The following SORCS1 variants were observed in gnomAD, a reference collection of about 807,000 sequenced individuals.
SORCS1 encodes the protein VPS10 domain-containing receptor SorCS1.
SORCS1 carries 60 observed loss-of-function variants against 146.1 expected under a neutral mutation model. The ratio of observed to expected loss-of-function variants is 0.41; its 90% CI spans 0.33 to 0.51. SORCS1 has a LOEUF of 0.51. SORCS1 is among the 20% of genes least tolerant of loss of function. SORCS1 has a pLI of 0.21. For missense variants in SORCS1, 1,352 were observed against 1,487.6 expected, an observed-to-expected ratio of 0.91 and a Z score of 1.50; for synonymous variants, 637 against 584.0, an observed-to-expected ratio of 1.09 and a Z score of -1.31.
At chr10:106,918,314 C>A (rs1052793781) in intron 2 of SORCS1, among the ~76,000 whole-genome samples, 1 of 152,142 alleles carries the variant, frequency 6.6e-6, no homozygotes, top group Non-Finnish European at 1.5e-5. Context: ...GTGCCTGCCA[C>A]CACGCCTGGC....
At chr10:107,168,170 T>G (rs1489448798), upstream of SORCS1, among the ~76,000 whole-genome samples, 1 of 152,136 alleles carries the variant, frequency 6.6e-6, no homozygotes, top group Non-Finnish European at 1.5e-5. Context: ...TTTTTCCAAT[T>G]CGTGACCTTT....
upstream of SORCS1, among the ~76,000 whole-genome samples, chr10:107,169,371 A>T (rs1463189279): frequency 2.0e-5 from 3 of 152,146 alleles, no homozygotes; most frequent in African/African-American, 4.8e-5. Context: ...TGGGATTTTT[A>T]AAATCTGTCC....
At chr10:107,017,037 G>A (rs150608732) in intron 1 of SORCS1, among the ~76,000 whole-genome samples, 2 of 152,332 alleles carry the variant, frequency 1.3e-5, no homozygotes, top group East Asian at 1.9e-4. Flanking sequence ...TGGAGCCACT[G>A]GAACTCTCCT....
At chr10:106,834,763 T>C (rs935608762) in intron 2 of SORCS1, among the ~76,000 whole-genome samples, 3 of 152,240 alleles carry the variant, frequency 2.0e-5, no homozygotes, top group African/African-American at 7.2e-5. Context: ...CCTTGAATTC[T>C]TCACTTGTAC....
At chr10:107,008,736 G>A (rs1462584792) in intron 1 of SORCS1, among the ~76,000 whole-genome samples, 4 of 152,206 alleles carry the variant, frequency 2.6e-5, no homozygotes, top group Non-Finnish European at 5.9e-5. Context: ...GGTGGCTCAT[G>A]CCTGTAATCC....
At chr10:107,014,276 A>T (rs1379854952) in intron 1 of SORCS1, among the ~76,000 whole-genome samples, 2 of 138,214 alleles carry the variant, frequency 1.4e-5, no homozygotes, top group Non-Finnish European at 3.0e-5. Context: ...AAAAAAAGAA[A>T]AGAAAAAAAG....
At position 107,063,955 on chromosome 10, in the gene SORCS1, G is replaced by GAC. The variant is rs545652383; in HGVS notation, c.558+100012_558+100013dup. On this transcript the variant is annotated intron_variant, in intron 1 of 25. Transcript: ENST00000263054. ...AATGGGAAGAACAGTAAAGATATCA[G>GAC]ACTTAAAATATTCAGTAGAATTCAA... Among the ~76,000 whole-genome samples the GAC allele has an allele frequency of 2.7e-3, 406 of 152,244 alleles. 2 individuals are homozygous for GAC. Among genetic ancestry groups the GAC allele is most frequent in the African/African-American group, 9.3e-3 (385 of 41,554 alleles).
At chr10:106,973,540 T>A (rs1955875713) in intron 1 of SORCS1, among the ~76,000 whole-genome samples, 1 of 151,976 alleles carries the variant, frequency 6.6e-6, no homozygotes, top group African/African-American at 2.4e-5. Context: ...TGCAAGGGGG[T>A]CTTGTAGGTG....
intron 4 of SORCS1, among the ~76,000 whole-genome samples, chr10:106,769,484 C>CAAA (rs61628916): frequency 0.029 from 2,414 of 84,236 alleles, 51 homozygotes; most frequent in East Asian, 0.17. Flanking sequence ...GACTCCGTCT[C>CAAA]AAAAAAAAAA....
chr10:106,871,247 T>C (rs1950397182), intron 2 of SORCS1, among the ~76,000 whole-genome samples: 1 of 152,196 alleles, frequency 6.6e-6, no homozygotes, highest in African/African-American at 2.4e-5. Context: ...TATACACTAT[T>C]GGTGGGAGTG....
chr10:106,694,746 GC>G (rs1564866979), intron 9 of SORCS1, among the ~76,000 whole-genome samples: 1 of 152,142 alleles, frequency 6.6e-6, no homozygotes. Context: ...AACAGAACAT[GC>G]CCTGGTCACT....
At chr10:106,936,028 G>A (rs1412231739) in intron 2 of SORCS1, among the ~76,000 whole-genome samples, 1 of 152,164 alleles carries the variant, frequency 6.6e-6, no homozygotes, top group Non-Finnish European at 1.5e-5. Context: ...ATATCTGAAT[G>A]TTAACTATTC....
chr10:107,100,607 GT>G (rs1286244571), intron 1 of SORCS1, among the ~76,000 whole-genome samples: 2 of 152,122 alleles, frequency 1.3e-5, no homozygotes, highest in African/African-American at 4.8e-5. Context: ...AAAAGAGCAG[GT>G]ATTGAAAATC....
intron 1 of SORCS1, among the ~76,000 whole-genome samples, chr10:107,094,181 ATTTTT>A (rs372278371): frequency 6.6e-6 from 1 of 151,146 alleles, no homozygotes; most frequent in African/African-American, 2.4e-5. Context: ...GAAGGCAAAC[ATTTTT>A]TTTTAATTCC....
At chr10:106,748,044 C>A (rs902961001) in intron 5 of SORCS1, among the ~76,000 whole-genome samples, 8 of 152,142 alleles carry the variant, frequency 5.3e-5, no homozygotes, top group Admixed American at 4.6e-4. Context: ...CAAATTTTTT[C>A]TCATTTTAAC....
chr10:107,033,793 C>T (rs1048026151), intron 1 of SORCS1, among the ~76,000 whole-genome samples: 1 of 152,152 alleles, frequency 6.6e-6, no homozygotes, highest in Non-Finnish European at 1.5e-5. Flanking sequence ...AAATCCTCAC[C>T]CCCATTCTCT....
intron 2 of SORCS1, among the ~76,000 whole-genome samples, chr10:106,852,203 A>T (rs1949613131): frequency 6.6e-6 from 1 of 152,132 alleles, no homozygotes; most frequent in South Asian, 2.1e-4. Flanking sequence ...ATTAGCTAGG[A>T]CTTCCAGCTA....
chr10:106,995,032 G>A (rs1956932457), intron 1 of SORCS1, among the ~76,000 whole-genome samples: 1 of 152,090 alleles, frequency 6.6e-6, no homozygotes, highest in African/African-American at 2.4e-5. Context: ...AGAACAGCCG[G>A]CCAGGCATGG....
intron 1 of SORCS1, among the ~76,000 whole-genome samples, chr10:106,982,416 C>G (rs949719236): frequency 2.0e-5 from 3 of 152,086 alleles, no homozygotes; most frequent in Admixed American, 6.6e-5. Context: ...GCCAAGACAG[C>G]TTAGCTTGAG....
Sources: gnomAD v4.1 joint callset for allele counts (sites outside exome capture counted in the v4.1 genomes callset) on GRCh38, gnomAD v4.1.1 for gene constraint, MANE v1.5 for transcripts, NCBI Gene and HGNC (gene_info 2026-07-23, HGNC 2026-07-21) for gene names.